CDC20B: variants seen among roughly 807,000 people sequenced by gnomAD.
The protein encoded by CDC20B is cell division cycle protein 20 homolog B.
A neutral mutation model predicts 64.1 loss-of-function variants in CDC20B; 58 were observed. The observed-to-expected ratio is 0.90, with a 90% confidence interval of 0.73 to 1.13. The LOEUF (loss-of-function observed/expected upper bound fraction) is 1.13. Ranked by LOEUF, CDC20B falls within the 50% of genes most tolerant of loss-of-function variation. CDC20B has a pLI of 0.00. For missense variants in CDC20B, 597 were observed against 633.0 expected, an observed-to-expected ratio of 0.94 and a Z score of 0.61; for synonymous variants, 243 against 230.6, an observed-to-expected ratio of 1.05 and a Z score of -0.49.
At chr5:55,172,840 G>T in intron 1 of CDC20B, 98 bp downstream of exon 1, 1 of 1,225,414 alleles carries the variant, frequency 8.2e-7, no homozygotes, top group Non-Finnish European at 1.1e-6. Flanking sequence ...AGGGCTTAGA[G>T]TTTCGTACCA....
At chr5:55,164,120 G>A in intron 2 of CDC20B, 2 of 1,607,222 alleles carry the variant, frequency 1.2e-6, no homozygotes, top group Non-Finnish European at 8.5e-7. Flanking sequence ...GGGTCAAGTT[G>A]TGAAGTTCTG....
At chr5:55,140,641 T>C (rs969131783) in intron 4 of CDC20B, among the ~76,000 whole-genome samples, 2 of 152,226 alleles carry the variant, frequency 1.3e-5, no homozygotes, top group Non-Finnish European at 2.9e-5. Context: ...AACAACTCCA[T>C]AGAGCAGGTA....
intron 6 of CDC20B, among the ~76,000 whole-genome samples, chr5:55,130,289 A>C (rs994132827): frequency 2.0e-5 from 3 of 152,226 alleles, no homozygotes; most frequent in African/African-American, 7.2e-5. Flanking sequence ...GTGATAGAGG[A>C]AAGAGTAAAC....
intron 9 of CDC20B, among the ~76,000 whole-genome samples, chr5:55,123,046 A>G (rs1296732078): frequency 6.6e-6 from 1 of 152,256 alleles, no homozygotes; most frequent in East Asian, 1.9e-4. Flanking sequence ...AGAAACCTTG[A>G]ACAATGAAAT....
At chr5:55,149,025 A>G (rs1218441029) in intron 2 of CDC20B, among the ~76,000 whole-genome samples, 1 of 152,238 alleles carries the variant, frequency 6.6e-6, no homozygotes, top group African/African-American at 2.4e-5. Context: ...GTTTGTAAGT[A>G]CAAAAAGATG....
chr5:55,147,133 G>A (rs1260207076), intron 2 of CDC20B, among the ~76,000 whole-genome samples: 1 of 138,458 alleles, frequency 7.2e-6, no homozygotes, highest in African/African-American at 2.7e-5. Context: ...ACATAAATAT[G>A]TTGTTTTATA....
intron 6 of CDC20B, among the ~76,000 whole-genome samples, chr5:55,132,305 C>T (rs1743052186): frequency 1.3e-5 from 2 of 152,178 alleles, no homozygotes; most frequent in Admixed American, 6.5e-5. Flanking sequence ...GACCCCTTCC[C>T]TCTGCTCCTC....
chr5:55,148,596 C>T (rs1165417619), intron 2 of CDC20B, among the ~76,000 whole-genome samples: 1 of 152,108 alleles, frequency 6.6e-6, no homozygotes, highest in Non-Finnish European at 1.5e-5. Flanking sequence ...TACTTGTAGT[C>T]CTAGCTACTT....
intron 2 of CDC20B, chr5:55,170,826 A>G (rs1744574228): frequency 2.5e-6 from 1 of 402,058 alleles, no homozygotes; most frequent in Non-Finnish European, 5.2e-6. Context: ...CTTAATAGTC[A>G]CATTAAAGAA....
chr5:55,141,434 A>G (rs1423409898), intron 4 of CDC20B, among the ~76,000 whole-genome samples: 1 of 152,234 alleles, frequency 6.6e-6, no homozygotes, highest in African/African-American at 2.4e-5. Flanking sequence ...TTTACGGACA[A>G]TAGTGGCTTA....
At chr5:55,145,737 C>T (rs336072) in intron 3 of CDC20B, among the ~76,000 whole-genome samples, 21,034 of 150,260 alleles carry the variant, frequency 0.14, 1,728 homozygotes, top group South Asian at 0.26. Context: ...TTCTTTCTTC[C>T]TCCTCCTCCT....
At chr5:55,126,413 G>A in intron 8 of CDC20B, 1 of 210,180 alleles carries the variant, frequency 4.8e-6, no homozygotes, top group Non-Finnish European at 9.3e-6. Flanking sequence ...GTTGCAGTGA[G>A]CTGAGATCAC....
chr5:55,171,395 G>A (rs775796372), intron 2 of CDC20B, among the ~76,000 whole-genome samples: 6 of 152,102 alleles, frequency 3.9e-5, no homozygotes, highest in Non-Finnish European at 7.3e-5. Flanking sequence ...GTCTGTATTA[G>A]ACAGTAAAAT....
chr5:55,146,569 C>A (rs1743480096), intron 3 of CDC20B, 59 bp downstream of exon 3: 6 of 1,206,136 alleles, frequency 5.0e-6, no homozygotes, highest in Middle Eastern at 2.2e-4. Flanking sequence ...AAGATTCTCT[C>A]AGGAATATAT....
rs763490469 is a variant in CDC20B, at chr5:55,124,946, C to G, written c.1072G>C (p.Val358Leu). The G allele has an allele frequency of 2.5e-6, 4 of 1,614,194 alleles. No individual in the cohort carries two copies. Among genetic ancestry groups the G allele is most frequent in the African/African-American group, 2.7e-5 (2 of 75,042 alleles). The change falls in exon 9 of 12, where the codon GTG becomes CTG. Residue 358 changes from valine to leucine, a missense_variant. Val to Leu is a conservative substitution (Grantham distance 32). Transcript: ENST00000381375. ...HVGTLRHKQA[V>L]CALKWSPDGR... is the part of the protein sequence containing the mutation. ...TCCGGTGACCACTTCAGAGCACACA[C>G]AGCTTGCTTGTGGCGAAGTGTTCCA...
Position 55,173,025 on chromosome 5 carries a change from G to A in CDC20B, c.-25C>T, listed in dbSNP as rs937119893. The A allele has an allele frequency of 3.1e-6, 5 of 1,601,762 alleles. No homozygotes were observed. Among genetic ancestry groups the A allele is most frequent in the Admixed American group, 1.7e-5 (1 of 58,806 alleles). ...TCTCCGGCTGACTTCGCCCTGCCTG[G>A]CGTTTGGCCTCTCTGCTCGACTGCC... On this transcript the variant is annotated 5_prime_UTR_variant, in exon 1 of 12. Coordinates refer to ENST00000381375, the MANE Select transcript of CDC20B (RefSeq NM_001170402.1).
rs769683082 is a variant in CDC20B, at chr5:55,172,991, T to G, written c.10A>C (p.Lys4Gln). 16 of 1,611,722 alleles carry G rather than the reference T, an allele frequency of 9.9e-6. No homozygotes were observed. The South Asian group carries it at 1.8e-4, about 18-fold the overall frequency. Residue 4 changes from lysine (K) to glutamine (Q), a missense_variant, in exon 1 of 12, where the codon AAA becomes CAA. Physicochemically the swap from Lys to Gln is moderately conservative, Grantham distance 53. Coordinates refer to ENST00000381375, the MANE Select transcript of CDC20B (RefSeq NM_001170402.1). MEW[K>Q]LERTAPRRVR... ...CTCCGAGGCGCGGTGCGCTCCAGTT[T>G]CCACTCCATCTCCGGCTGACTTCGC...
At chr5:55,133,792 T>C (rs578100766) in intron 5 of CDC20B, among the ~76,000 whole-genome samples, 12 of 152,334 alleles carry the variant, frequency 7.9e-5, no homozygotes, top group South Asian at 4.1e-4. Flanking sequence ...ATGTAGAAGA[T>C]AGATCTTGTG....
At chr5:55,152,627 AC>A (rs1198431127) in intron 2 of CDC20B, among the ~76,000 whole-genome samples, 2 of 152,160 alleles carry the variant, frequency 1.3e-5, no homozygotes, top group Non-Finnish European at 2.9e-5. Context: ...GCAGTGCACA[AC>A]CCTCACAACC....
Sources: gnomAD v4.1 joint callset for allele counts (sites outside exome capture counted in the v4.1 genomes callset) on GRCh38, gnomAD v4.1.1 for gene constraint, MANE v1.5 for transcripts, NCBI Gene and HGNC (gene_info 2026-07-23, HGNC 2026-07-21) for gene names.